The following RGS5 variants were observed in gnomAD, a reference collection of about 807,000 sequenced individuals.
RGS5 encodes the protein regulator of G protein signaling 5, also known as regulator of G-protein signalling 5.
RGS5 carries 20 observed loss-of-function variants against 18.9 expected under a neutral mutation model. The ratio of observed to expected loss-of-function variants is 1.06; its 90% CI spans 0.74 to 1.54. The LOEUF is 1.54. Ranked by LOEUF, RGS5 falls within the 40% of genes most tolerant of loss-of-function variation. The pLI, the probability that RGS5 is intolerant of heterozygous loss-of-function variation, is 0.00. For missense variants in RGS5, 201 were observed against 211.8 expected (o/e 0.95, Z 0.32); for synonymous variants, 57 against 76.2 (o/e 0.75, Z 1.31).
chr1:163,260,802 G>C (rs1648414257), intron 2 of RGS5: 1 of 151,954 alleles, frequency 6.6e-6, no homozygotes, highest in Non-Finnish European at 1.5e-5. Flanking sequence ...TCCTGTACTA[G>C]ACTGTGAGCT....
chr1:163,166,185 T>C (rs1658038775), intron 2 of RGS5, among the ~76,000 whole-genome samples: 1 of 151,914 alleles, frequency 6.6e-6, no homozygotes, highest in South Asian at 2.1e-4. Context: ...GGGAAGAGGG[T>C]CCACAGGGAA....
intron 2 of RGS5, among the ~76,000 whole-genome samples, chr1:163,282,663 T>C (rs555876879): frequency 6.6e-6 from 1 of 152,310 alleles, no homozygotes; most frequent in East Asian, 1.9e-4. Context: ...TGAGTTATGA[T>C]GGTGCCACTG....
At chr1:163,158,368 G>C (rs973432160) in intron 3 of RGS5, among the ~76,000 whole-genome samples, 1 of 152,110 alleles carries the variant, frequency 6.6e-6, no homozygotes, top group Non-Finnish European at 1.5e-5. Flanking sequence ...AAGAAGAAGA[G>C]AGCAATAGAG....
intron 1 of RGS5, among the ~76,000 whole-genome samples, chr1:163,195,474 G>A (rs4656388): frequency 1.3e-5 from 2 of 151,804 alleles, no homozygotes; most frequent in African/African-American, 4.8e-5. Flanking sequence ...TAGGCTACAG[G>A]GTGCAGTGCT....
chr1:163,307,892 G>A (rs1012319762), intron 1 of RGS5, among the ~76,000 whole-genome samples: 1 of 152,204 alleles, frequency 6.6e-6, no homozygotes, highest in African/African-American at 2.4e-5. Flanking sequence ...ACTTAAAGAT[G>A]TTTAGAAACC....
intron 2 of RGS5, among the ~76,000 whole-genome samples, chr1:163,227,509 T>A (rs976344315): frequency 6.6e-6 from 1 of 152,162 alleles, no homozygotes; most frequent in Non-Finnish European, 1.5e-5. Context: ...GGTCCCATCC[T>A]TAAAACATGG....
At chr1:163,259,568 G>T (rs1198418821) in intron 2 of RGS5, among the ~76,000 whole-genome samples, 1 of 152,110 alleles carries the variant, frequency 6.6e-6, no homozygotes, top group East Asian at 1.9e-4. Context: ...GGAACCACAG[G>T]TATGTTGAAA....
At chr1:163,253,624 TTTTA>T (rs141413287) in intron 2 of RGS5, among the ~76,000 whole-genome samples, 110,784 of 148,848 alleles carry the variant, frequency 0.74, 42,772 homozygotes, top group African/African-American at 0.94. Context: ...CCATTTTTCT[TTTTA>T]TTTATTTATT....
chr1:163,309,631 G>C (rs535758030), intron 1 of RGS5, among the ~76,000 whole-genome samples: 1 of 152,140 alleles, frequency 6.6e-6, no homozygotes, highest in East Asian at 1.9e-4. Context: ...CACATCTTCA[G>C]GTGCTTCCTC....
chr1:163,248,229 G>A lies in RGS5; in HGVS notation c.-281+58004C>T, dbSNP rs534352864. 8 of 152,262 alleles carry A rather than the reference G, an allele frequency of 5.3e-5. 1 individual carries two copies. The highest frequency in any genetic ancestry group is 1.9e-4 in the African/African-American group (8 of 41,528). 9.4% of individuals were successfully genotyped at this position (152,262 alleles called of 1,614,324 possible). ...GCCTAGGTTTTAATAGGGTTAGAGA[G>A]CATAACTGGATCTCATCCTCTATTT... On this transcript the variant is annotated intron_variant, in intron 2 of 5. Coordinates refer to the RGS5 transcript ENST00000618415.
chr1:163,283,742 A>G (rs536562354), intron 2 of RGS5, among the ~76,000 whole-genome samples: 1 of 152,338 alleles, frequency 6.6e-6, no homozygotes, highest in South Asian at 2.1e-4. Context: ...TGAAAGCTCA[A>G]CATTGCAAGG....
At chr1:163,217,937 C>G (rs1325715641), upstream of RGS5, among the ~76,000 whole-genome samples, 4 of 151,954 alleles carry the variant, frequency 2.6e-5, no homozygotes, top group African/African-American at 9.7e-5. Context: ...AGAGGTAGGA[C>G]ATGGAGCCAT....
At chr1:163,283,168 T>C (rs61812171) in intron 2 of RGS5, among the ~76,000 whole-genome samples, 14,715 of 152,152 alleles carry the variant, frequency 0.097, 981 homozygotes, top group South Asian at 0.2. Context: ...GGTTGGTTAA[T>C]GGCTAACAAG....
chr1:163,229,498 T>C (rs1647417968), intron 2 of RGS5, among the ~76,000 whole-genome samples: 1 of 151,996 alleles, frequency 6.6e-6, no homozygotes, highest in Non-Finnish European at 1.5e-5. Flanking sequence ...AAAGTTGGAG[T>C]AGTAACATTA....
Position 163,161,975 on chromosome 1 carries a change from T to A in RGS5, c.157A>T (p.Thr53Ser). ...KPEKPAKTQKTSLDEALQWRD... is the reference protein window; with the variant it reads ...KPEKPAKTQKSSLDEALQWRD... ...CACTGCAGGGCCTCGTCCAGCGAGG[T>A]TCTACATCAATAATAAGGAGAGAAA... The change falls in exon 3 of 5, where the codon ACC becomes TCC. Residue 53 changes from threonine (T) to serine (S), a missense_variant and splice_region_variant. Transcript: ENST00000313961. 6.2e-7 allele frequency: 1 copy of A among 1,612,166 alleles called. No individual in the cohort carries two copies. The highest frequency in any genetic ancestry group is 8.5e-7 in the Non-Finnish European group (1 of 1,178,454).
At chr1:163,267,252 G>C (rs12728573) in intron 2 of RGS5, 43,388 of 151,700 alleles carry the variant, frequency 0.29, 6,359 homozygotes, top group Non-Finnish European at 0.32. Context: ...CTTTTTTCCT[G>C]TCCATGTGAG....
chr1:163,240,863 T>C (rs1647773282), intron 2 of RGS5, among the ~76,000 whole-genome samples: 1 of 152,154 alleles, frequency 6.6e-6, no homozygotes, highest in African/African-American at 2.4e-5. Flanking sequence ...GTTACCTGGG[T>C]GAATATACTT....
rs149277540 is a variant in RGS5, at chr1:163,144,467, C to T, written c.*2875G>A. On this transcript the variant is annotated 3_prime_UTR_variant, in exon 5 of 5. Coordinates refer to ENST00000313961, the MANE Select transcript of RGS5 (RefSeq NM_003617.4). The stretch of plus-strand genomic sequence containing the variant: ...TAGGTTTTTTTCTCAAGAGTGAGAA[C>T]CATATTCTCCTATTTCCATTGACCA... 1.6e-4 allele frequency: 24 copies of T among 152,496 alleles called. No individual in the cohort carries two copies. Among genetic ancestry groups the T allele is most frequent in the African/African-American group, 5.3e-4 (22 of 41,526 alleles). 9.4% of individuals were successfully genotyped at this position (152,496 alleles called of 1,614,324 possible).
intron 4 of RGS5, among the ~76,000 whole-genome samples, chr1:163,152,305 G>A (rs1449847248): frequency 1.3e-5 from 2 of 152,128 alleles, no homozygotes; most frequent in Non-Finnish European, 2.9e-5. Flanking sequence ...TTTCACATTG[G>A]TATGATCTCC....
Sources: gnomAD v4.1 joint callset for allele counts (sites outside exome capture counted in the v4.1 genomes callset) on GRCh38, gnomAD v4.1.1 for gene constraint, MANE v1.5 for transcripts, NCBI Gene and HGNC (gene_info 2026-07-23, HGNC 2026-07-21) for gene names.